Variants in ADD3 observed in about 807,000 individuals in gnomAD.
ADD3 encodes the protein gamma-adducin.
Under a neutral mutation model 80.2 loss-of-function variants are expected in ADD3, and 25 were observed. The ratio of observed to expected loss-of-function variants is 0.31; its 90% CI spans 0.23 to 0.44. ADD3 has a LOEUF of 0.44. Among genes scored for constraint, ADD3 ranks in the 20% least tolerant of loss-of-function variants. The pLI is 1.00. For synonymous variants in ADD3, 284 were observed against 289.6 expected (o/e 0.98, Z 0.20); for missense variants, 829 against 847.5 (o/e 0.98, Z 0.27).
At chr10:110,047,917 A>G (rs529959995) in intron 1 of ADD3, among the ~76,000 whole-genome samples, 126 of 152,336 alleles carry the variant, frequency 8.3e-4, no homozygotes, top group African/African-American at 2.8e-3. Context: ...TATTATTACT[A>G]TACTTTAAAA....
In ADD3 at chr10:110,018,152, AT is replaced by A. The variant is rs1229248398; in HGVS notation, c.-30+9854del. Among the ~76,000 whole-genome samples, 4 of 152,108 alleles carry A rather than the reference AT, an allele frequency of 2.6e-5. No individual in the cohort carries two copies. The East Asian group carries it at 7.7e-4, about 29-fold the overall frequency. On this transcript the variant is annotated intron_variant, in intron 1 of 14. Transcript: ENST00000356080. ...GCAATAACTAAAACAACAATGCAAA[AT>A]ATGTTACTTGCCAGTGTGTGTGATG...
intron 2 of ADD3, among the ~76,000 whole-genome samples, chr10:110,111,692 G>T (rs1032197601): frequency 6.6e-6 from 1 of 152,146 alleles, no homozygotes; most frequent in East Asian, 1.9e-4. Flanking sequence ...GAGGTGGGCG[G>T]ATCACCTGAG....
intron 1 of ADD3, among the ~76,000 whole-genome samples, chr10:110,028,776 T>C (rs1854620854): frequency 6.6e-6 from 1 of 152,190 alleles, no homozygotes; most frequent in Admixed American, 6.5e-5. Context: ...CATGTACTTA[T>C]ACCATTAATA....
intron 12 of ADD3, among the ~76,000 whole-genome samples, chr10:110,128,648 A>AC (rs1852510497): frequency 6.6e-6 from 1 of 152,110 alleles, no homozygotes; most frequent in Admixed American, 6.5e-5. Flanking sequence ...CAATCTCCTG[A>AC]CCTCGTGATC....
chr10:110,103,647 G>C (rs988180726), intron 2 of ADD3, among the ~76,000 whole-genome samples: 1 of 152,128 alleles, frequency 6.6e-6, no homozygotes, highest in Non-Finnish European at 1.5e-5. Flanking sequence ...CCATGCTCCA[G>C]GGGAGAGAAA....
intron 1 of ADD3, among the ~76,000 whole-genome samples, chr10:110,015,458 C>T (rs969017300): frequency 1.3e-5 from 2 of 150,968 alleles, no homozygotes; most frequent in African/African-American, 4.9e-5. Context: ...TCACTGCAAG[C>T]TCCGCCTCCT....
At chr10:110,020,935 C>G (rs925664102) in intron 1 of ADD3, among the ~76,000 whole-genome samples, 1 of 152,158 alleles carries the variant, frequency 6.6e-6, no homozygotes, top group East Asian at 1.9e-4. Flanking sequence ...TTGAGACATT[C>G]ATTTGAAATG....
upstream of ADD3, among the ~76,000 whole-genome samples, chr10:110,006,381 G>A (rs1156767635): frequency 6.6e-6 from 1 of 152,116 alleles, no homozygotes; most frequent in African/African-American, 2.4e-5. Context: ...CTTGATGCAT[G>A]CAAAGCTTTT....
At chr10:110,086,738 G>C (rs904457622) in intron 1 of ADD3, among the ~76,000 whole-genome samples, 2 of 152,162 alleles carry the variant, frequency 1.3e-5, no homozygotes, top group African/African-American at 4.8e-5. Flanking sequence ...CAAGCTTCCT[G>C]TATAGCCTGT....
At chr10:110,018,694 A>G (rs766149611) in intron 1 of ADD3, among the ~76,000 whole-genome samples, 3 of 152,286 alleles carry the variant, frequency 2.0e-5, no homozygotes, top group Non-Finnish European at 4.4e-5. Context: ...CTTTTTCTAT[A>G]GCATGATGGG....
chr10:110,067,456 TTTA>T (rs779400942), intron 1 of ADD3, among the ~76,000 whole-genome samples: 3 of 152,248 alleles, frequency 2.0e-5, no homozygotes, highest in Non-Finnish European at 4.4e-5. Flanking sequence ...CATCATATCA[TTTA>T]TTATATTGGA....
intron 12 of ADD3, among the ~76,000 whole-genome samples, chr10:110,129,542 G>A (rs886798672): frequency 6.6e-6 from 1 of 152,134 alleles, no homozygotes; most frequent in Non-Finnish European, 1.5e-5. Context: ...CTGGGAATCT[G>A]TTTCCTATTC....
intron 1 of ADD3, chr10:110,079,217 CCTTT>C (rs1341722915): frequency 2.0e-5 from 3 of 151,974 alleles, no homozygotes; most frequent in Non-Finnish European, 4.4e-5. Flanking sequence ...ATTGATAAAC[CCTTT>C]CTTTATCTTC....
upstream of ADD3, among the ~76,000 whole-genome samples, chr10:110,006,315 T>C (rs1317110423): frequency 6.6e-6 from 1 of 152,222 alleles, no homozygotes; most frequent in Non-Finnish European, 1.5e-5. Flanking sequence ...TAGTGAGGAC[T>C]ATATTCTGAT....
chr10:110,047,657 C>A (rs528427995), intron 1 of ADD3, among the ~76,000 whole-genome samples: 1 of 152,012 alleles, frequency 6.6e-6, no homozygotes, highest in Non-Finnish European at 1.5e-5. Flanking sequence ...TGCTACTTAT[C>A]GTATGACTTA....
At chr10:110,049,202 G>C (rs569421777) in intron 1 of ADD3, among the ~76,000 whole-genome samples, 1 of 152,364 alleles carries the variant, frequency 6.6e-6, no homozygotes, top group African/African-American at 2.4e-5. Flanking sequence ...CCTCCACTTA[G>C]ATTTCCGAGG....
Position 110,114,537 on chromosome 10 carries a change from G to A in ADD3, c.334+1622G>A, listed in dbSNP as rs557064335. 2.0e-5 allele frequency among the ~76,000 whole-genome samples: 3 copies of A among 152,288 alleles called. No homozygotes were observed. The East Asian group carries it at 5.8e-4, about 29-fold the overall frequency. On this transcript the variant is annotated intron_variant, in intron 3 of 14. Transcript: ENST00000356080. ...CATGAGTTAAGGGCTGAACTCAAGA[G>A]TGGACAACGAGGGACCTTATGAAGA...
At chr10:110,123,769 T>A in intron 9 of ADD3, 2 of 454,772 alleles carry the variant, frequency 4.4e-6, no homozygotes, top group South Asian at 5.7e-5. Flanking sequence ...GAACTGTTCG[T>A]TTGTCGGGAA....
intron 8 of ADD3, among the ~76,000 whole-genome samples, chr10:110,120,900 AAGG>A (rs1851411787): frequency 6.6e-6 from 1 of 152,128 alleles, no homozygotes; most frequent in Non-Finnish European, 1.5e-5. Context: ...GCAATGGGGA[AAGG>A]ATTCCCTATT....
Sources: gnomAD v4.1 joint callset for allele counts (sites outside exome capture counted in the v4.1 genomes callset) on GRCh38, gnomAD v4.1.1 for gene constraint, MANE v1.5 for transcripts, NCBI Gene and HGNC (gene_info 2026-07-23, HGNC 2026-07-21) for gene names.